The following NT5M variants were observed in gnomAD, a reference collection of about 807,000 sequenced individuals.
The protein encoded by NT5M is 5',3'-nucleotidase, mitochondrial, also known as 5'(3')-deoxyribonucleotidase, mitochondrial.
A neutral mutation model predicts 22.2 loss-of-function variants in NT5M; 22 were observed. That is an observed-to-expected ratio of 0.99 (90% CI 0.71 to 1.41). NT5M has a LOEUF of 1.41. Ranked by LOEUF, NT5M falls within the 40% of genes most tolerant of loss-of-function variation. The probability of loss-of-function intolerance (pLI) is 0.00; values close to 1 mark genes in which losing one functional copy is unlikely to be tolerated. For missense variants in NT5M, 322 were observed against 314.8 expected, an observed-to-expected ratio of 1.02 and a Z score of -0.17; for synonymous variants, 167 against 133.0, an observed-to-expected ratio of 1.26 and a Z score of -1.76.
intron 3 of NT5M, among the ~76,000 whole-genome samples, chr17:17,334,338 C>A (rs1209499334): frequency 6.8e-6 from 1 of 147,538 alleles, no homozygotes; most frequent in African/African-American, 2.5e-5. Flanking sequence ...GCATGTGGAT[C>A]CAGTTGTGCC....
chr17:17,329,652 C>T (rs1010222526), intron 3 of NT5M, among the ~76,000 whole-genome samples: 5 of 152,062 alleles, frequency 3.3e-5, no homozygotes, highest in Non-Finnish European at 7.4e-5. Context: ...CTGCCTGATT[C>T]GACGTTGATT....
intron 2 of NT5M, among the ~76,000 whole-genome samples, chr17:17,308,258 C>T (rs1356486245): frequency 6.6e-6 from 1 of 152,100 alleles, no homozygotes; most frequent in Non-Finnish European, 1.5e-5. Context: ...AGAGGATGTG[C>T]TTCCCTGAGA....
rs981606791 is a variant in NT5M at position 17,303,562 on chromosome 17, G to A, written c.12G>A (p.Leu4=). MIR[L]GGWCARRLCS... is the part of the protein sequence containing the mutation. ...CAGCGCGCTGGGCCATGATCCGGCT[G>A]GGCGGCTGGTGTGCGCGGCGGCTCT... Residue 4 remains leucine, a synonymous_variant, in exon 1 of 5, where the codon CTG becomes CTA. Coordinates refer to ENST00000389022, the MANE Select transcript of NT5M (RefSeq NM_020201.4). 13 of 1,099,866 alleles carry A rather than the reference G, an allele frequency of 1.2e-5. No homozygotes were observed. The highest frequency in any genetic ancestry group is 1.3e-5 in the Non-Finnish European group (12 of 902,554). The allele number at this position is 1,099,866 out of a possible 1,614,324, so 68.1% of individuals were successfully genotyped here.
chr17:17,337,695 A>G (rs116581912), intron 3 of NT5M, among the ~76,000 whole-genome samples: 101 of 152,180 alleles, frequency 6.6e-4, no homozygotes, highest in African/African-American at 2.3e-3. Flanking sequence ...CAGCCACCAT[A>G]TGTCTTCTTT....
intron 2 of NT5M, among the ~76,000 whole-genome samples, chr17:17,317,301 G>C (rs1299954064): frequency 6.6e-6 from 1 of 152,012 alleles, no homozygotes; most frequent in African/African-American, 2.4e-5. Flanking sequence ...TGCCCACCTC[G>C]GCCTCCCAAA....
At chr17:17,308,179 T>C (rs1450718600) in intron 2 of NT5M, among the ~76,000 whole-genome samples, 1 of 152,226 alleles carries the variant, frequency 6.6e-6, no homozygotes, top group African/African-American at 2.4e-5. Context: ...GAGATATTTC[T>C]GTTTTGTTCT....
rs1157607451 is a variant in NT5M, at chr17:17,344,928, T to G, written c.544+20T>G. The G allele has an allele frequency of 6.2e-7, 1 of 1,613,836 alleles. No individual in the cohort carries two copies. The highest frequency in any genetic ancestry group is 1.7e-5 in the Admixed American group (1 of 60,028). On this transcript the variant is annotated intron_variant, in intron 4 of 4. Coordinates refer to ENST00000389022, the MANE Select transcript of NT5M (RefSeq NM_020201.4). ...TCACAGGCAAGTGGCCTGCGACAGG[T>G]GAGGAGCACGTGGGGAGGGCCCCAG...
chr17:17,307,421 C>T (rs1019945192), intron 2 of NT5M, among the ~76,000 whole-genome samples: 8 of 151,228 alleles, frequency 5.3e-5, no homozygotes, highest in African/African-American at 1.9e-4. Flanking sequence ...GTCAGGAGTT[C>T]GAGACCAGCC....
chr17:17,341,646 C>T (rs934547122), intron 3 of NT5M, among the ~76,000 whole-genome samples: 6 of 152,206 alleles, frequency 3.9e-5, no homozygotes, highest in Admixed American at 6.5e-5. Context: ...GGTATCTATG[C>T]GCAGTGGCCA....
intron 1 of NT5M, chr17:17,304,601 T>G (rs1567876761): frequency 5.2e-6 from 1 of 190,560 alleles, no homozygotes; most frequent in East Asian, 1.9e-4. Context: ...GAGGGTTTGA[T>G]AAAGAGGAGA....
chr17:17,330,453 G>A (rs2049355157), intron 3 of NT5M, among the ~76,000 whole-genome samples: 1 of 149,140 alleles, frequency 6.7e-6, no homozygotes, highest in Non-Finnish European at 1.5e-5. Flanking sequence ...TCAGCTCACT[G>A]CAACGTCTGC....
At position 17,306,945 on chromosome 17, in the gene NT5M, C is replaced by T. The variant is rs534236131; in HGVS notation, c.368+302C>T. On this transcript the variant is annotated intron_variant, in intron 2 of 4. Transcript: ENST00000389022. ...GGACGTGGTGGCTCATGCCTGTAAT[C>T]CCAGCACTTTGGGAGGCTGAGGCGG... 1.6e-4 allele frequency among the ~76,000 whole-genome samples: 25 copies of T among 152,326 alleles called. No individual in the cohort carries two copies. The South Asian group carries it at 5.0e-3, about 30-fold the overall frequency.
intron 2 of NT5M, among the ~76,000 whole-genome samples, chr17:17,322,722 A>C (rs1214799609): frequency 6.6e-6 from 1 of 152,174 alleles, no homozygotes; most frequent in Non-Finnish European, 1.5e-5. Context: ...CATTTGGGTC[A>C]GCTCTCCCGC....
chr17:17,326,568 C>T (rs996125821), intron 3 of NT5M, among the ~76,000 whole-genome samples: 5 of 152,212 alleles, frequency 3.3e-5, no homozygotes, highest in Admixed American at 6.5e-5. Flanking sequence ...GCCCGCAGAC[C>T]GTCTCTCCAG....
At chr17:17,317,952 A>T (rs2049066091) in intron 2 of NT5M, among the ~76,000 whole-genome samples, 1 of 117,198 alleles carries the variant, frequency 8.5e-6, no homozygotes, top group Non-Finnish European at 1.7e-5. Context: ...ACAGAGTGAG[A>T]CTCCATGATC....
chr17:17,304,989 A>G (rs1236903463), intron 1 of NT5M, among the ~76,000 whole-genome samples: 1 of 152,178 alleles, frequency 6.6e-6, no homozygotes, highest in Non-Finnish European at 1.5e-5. Context: ...GCTCTTCTAC[A>G]GCGGATGCCT....
chr17:17,324,090 G>A (rs1366428354), intron 3 of NT5M, among the ~76,000 whole-genome samples: 9 of 151,706 alleles, frequency 5.9e-5, no homozygotes, highest in East Asian at 2.0e-4. Context: ...GGCCAGGCTG[G>A]TCTCGAACTC....
intron 2 of NT5M, among the ~76,000 whole-genome samples, chr17:17,309,160 ATC>A (rs2048872670): frequency 7.2e-6 from 1 of 138,480 alleles, no homozygotes; most frequent in African/African-American, 2.8e-5. Context: ...GTCTTGCCCT[ATC>A]TCAAAAAGGC....
intron 2 of NT5M, among the ~76,000 whole-genome samples, chr17:17,318,480 C>CAAAAAAAAAAAAAAA (rs71355545): frequency 2.4e-5 from 1 of 42,114 alleles, no homozygotes; most frequent in African/African-American, 7.8e-5. Flanking sequence ...GACTCTGTCT[C>CAAAAAAAAAAAAAAA]AAAAAAAAAA....
Sources: allele counts gnomAD v4.1 joint callset (sites outside exome capture counted in the v4.1 genomes callset), GRCh38; gene constraint gnomAD v4.1.1; transcripts MANE v1.5; gene names NCBI Gene and HGNC (gene_info 2026-07-23, HGNC 2026-07-21).